The following IL21R variants were observed in gnomAD, a reference collection of about 807,000 sequenced individuals.
IL21R encodes interleukin 21 receptor.
A neutral mutation model predicts 41.3 loss-of-function variants in IL21R; 14 were observed. The ratio of observed to expected loss-of-function variants is 0.34; its 90% confidence interval spans 0.22 to 0.53. IL21R has a LOEUF of 0.53. IL21R is among the 20% of genes least tolerant of loss of function. The probability of loss-of-function intolerance (pLI) is 0.94; values close to 1 mark genes in which losing one functional copy is unlikely to be tolerated. For missense variants in IL21R, 588 were observed against 681.6 expected, an observed-to-expected ratio of 0.86 and a Z score of 1.53; for synonymous variants, 286 against 287.6, an observed-to-expected ratio of 0.99 and a Z score of 0.05.
intron 1 of IL21R, among the ~76,000 whole-genome samples, chr16:27,424,845 A>C (rs2087049800): frequency 1.3e-5 from 2 of 152,320 alleles, no homozygotes; most frequent in Middle Eastern, 3.4e-3. Context: ...CAGGCTGTAC[A>C]AGCATACTGC....
intron 1 of IL21R, chr16:27,403,075 C>T (rs1252130261): frequency 1.2e-5 from 6 of 517,030 alleles, no homozygotes; most frequent in South Asian, 4.7e-5. Flanking sequence ...GTGCCCATTT[C>T]GCAGATGAGG....
chr16:27,429,235 T>TTA (rs1555496975), intron 1 of IL21R, among the ~76,000 whole-genome samples: 23 of 151,368 alleles, frequency 1.5e-4, no homozygotes, highest in Admixed American at 1.5e-3. Flanking sequence ...AAAATAAACA[T>TTA]AAAAAAGCCA....
At chr16:27,445,710 C>A (rs897094979) in intron 7 of IL21R, among the ~76,000 whole-genome samples, 1 of 152,200 alleles carries the variant, frequency 6.6e-6, no homozygotes, top group Middle Eastern at 3.2e-3. Flanking sequence ...GAAATGGCCT[C>A]TCTGCGCACC....
chr16:27,416,303 A>G (rs1297482853), intron 1 of IL21R, among the ~76,000 whole-genome samples: 1 of 151,896 alleles, frequency 6.6e-6, no homozygotes, highest in Non-Finnish European at 1.5e-5. Context: ...CACCTGGCTA[A>G]TTTTTTGTGT....
Position 27,448,676 on chromosome 16 carries a change from C to A in IL21R, c.1010C>A (p.Pro337Gln). ...CTGCAGCTCACGGAGCTACAAGAAC[C>A]AGCAGAGCTGGTGGAGTCTGACGGT... ...KRLQLTELQE[P>Q]AELVESDGVP... Residue 337 changes from proline to glutamine, a missense_variant, in exon 9 of 9, where the codon CCA becomes CAA. Coordinates refer to ENST00000337929, the MANE Select transcript of IL21R (RefSeq NM_181078.3). 6.2e-7 allele frequency: 1 copy of A among 1,613,224 alleles called. No homozygotes were observed. Among genetic ancestry groups the A allele is most frequent in the Non-Finnish European group, 8.5e-7 (1 of 1,180,012 alleles).
chr16:27,420,692 A>G (rs57450992), intron 1 of IL21R, among the ~76,000 whole-genome samples: 7,281 of 152,302 alleles, frequency 0.048, 363 homozygotes, highest in African/African-American at 0.12. Context: ...TTCTTTGCAT[A>G]TTCTAAATAC....
intron 1 of IL21R, among the ~76,000 whole-genome samples, chr16:27,415,369 C>T (rs1409199154): frequency 3.9e-5 from 6 of 152,164 alleles, no homozygotes; most frequent in African/African-American, 1.4e-4. Flanking sequence ...TTAAACGTGG[C>T]TTTACCAGTT....
At chr16:27,446,500 G>T (rs2087481418) in intron 8 of IL21R, among the ~76,000 whole-genome samples, 1 of 152,066 alleles carries the variant, frequency 6.6e-6, no homozygotes, top group Non-Finnish European at 1.5e-5. Context: ...CAACTCGGGA[G>T]GCTGAGGCAG....
intron 1 of IL21R, among the ~76,000 whole-genome samples, chr16:27,418,270 G>A (rs1282631833): frequency 2.0e-5 from 3 of 151,426 alleles, no homozygotes; most frequent in Non-Finnish European, 4.4e-5. Context: ...GGGGTTTCAC[G>A]TGCTAACCAG....
intron 4 of IL21R, among the ~76,000 whole-genome samples, chr16:27,440,922 G>A (rs1049907458): frequency 4.0e-5 from 6 of 151,728 alleles, no homozygotes; most frequent in African/African-American, 9.7e-5. Flanking sequence ...ATGGTGGTGC[G>A]CACCTATGGT....
intron 1 of IL21R, among the ~76,000 whole-genome samples, chr16:27,417,407 C>T (rs183237651): frequency 3.9e-5 from 6 of 152,160 alleles, no homozygotes; most frequent in African/African-American, 1.4e-4. Context: ...GCTCAAGCAA[C>T]CCTCCCGCCT....
At chr16:27,428,126 A>C (rs2087108049) in intron 1 of IL21R, among the ~76,000 whole-genome samples, 2 of 152,188 alleles carry the variant, frequency 1.3e-5, no homozygotes, top group Non-Finnish European at 2.9e-5. Context: ...CATCAATTAC[A>C]GCTGTTGTTT....
chr16:27,433,442 G>A (rs1386469975), intron 2 of IL21R, among the ~76,000 whole-genome samples: 2 of 152,136 alleles, frequency 1.3e-5, no homozygotes, highest in Non-Finnish European at 2.9e-5. Flanking sequence ...TTCCAGCCTG[G>A]GCAACAGAGC....
rs773814550 is a variant in IL21R at position 27,444,619 on chromosome 16, C to A, written c.585C>A (p.Ser195Arg). The A allele has an allele frequency of 1.3e-6, 2 of 1,589,076 alleles. No individual in the cohort carries two copies. Among genetic ancestry groups the A allele is most frequent in the East Asian group, 2.4e-5 (1 of 42,458 alleles). The stretch of plus-strand genomic sequence containing the variant: ...CCCTGGAGTTCCGCAAAGACTCGAG[C>A]TATGAGCTGCAGGTGCGGGCAGGGC... ...LLPLEFRKDS[S>R]YELQVRAGPM... is the part of the protein sequence containing the mutation. Residue 195 changes from serine (S) to arginine (R), a missense_variant, in exon 6 of 9, where the codon AGC (serine) becomes AGA (arginine). Ser to Arg is a moderately radical substitution (Grantham distance 110). Coordinates refer to ENST00000337929, the MANE Select transcript of IL21R (RefSeq NM_181078.3).
At chr16:27,409,694 G>A (rs1484453436) in intron 1 of IL21R, among the ~76,000 whole-genome samples, 2 of 152,240 alleles carry the variant, frequency 1.3e-5, no homozygotes, top group East Asian at 3.9e-4. Context: ...TATTTCTACT[G>A]TTTCTGTTCT....
chr16:27,411,701 T>G (rs1196421561), intron 1 of IL21R, among the ~76,000 whole-genome samples: 1 of 152,180 alleles, frequency 6.6e-6, no homozygotes, highest in East Asian at 1.9e-4. Context: ...TGACCTCAGG[T>G]GATTCGCCCG....
chr16:27,449,161 T>G lies in IL21R; in HGVS notation c.1495T>G (p.Cys499Gly). The G allele has an allele frequency of 6.2e-7, 1 of 1,613,176 alleles. No individual in the cohort carries two copies. The highest frequency in any genetic ancestry group is 8.5e-7 in the Non-Finnish European group (1 of 1,180,012). Residue 499 changes from cysteine (C) to glycine (G), a missense_variant, in exon 9 of 9, where the codon TGC becomes GGC. Coordinates refer to ENST00000337929, the MANE Select transcript of IL21R (RefSeq NM_181078.3). The part of the protein sequence containing the change: ...TFDSGFVGSD[C>G]SSPVECDFTS... ...TGACAGTGGCTTTGTGGGCTCTGAC[T>G]GCAGCAGCCCTGTGGAGTGTGACTT...
intron 1 of IL21R, among the ~76,000 whole-genome samples, chr16:27,427,594 A>C (rs1485479040): frequency 1.3e-5 from 2 of 152,146 alleles, no homozygotes; most frequent in African/African-American, 4.8e-5. Context: ...TGGTAGAGAC[A>C]AGGTCTTGCT....
At chr16:27,404,331 C>T (rs540189610) in intron 1 of IL21R, among the ~76,000 whole-genome samples, 3 of 152,268 alleles carry the variant, frequency 2.0e-5, no homozygotes, top group Admixed American at 2.0e-4. Context: ...GCTCTGAGCT[C>T]AGACTGCAGG....
Sources: gnomAD v4.1 joint callset for allele counts (sites outside exome capture counted in the v4.1 genomes callset) on GRCh38, gnomAD v4.1.1 for gene constraint, MANE v1.5 for transcripts, NCBI Gene and HGNC (gene_info 2026-07-23, HGNC 2026-07-21) for gene names.